Variants in SEL1L3 observed in about 807,000 individuals in gnomAD.
SEL1L3 encodes SEL1L family member 3.
Under a neutral mutation model 142.8 loss-of-function variants are expected in SEL1L3, and 76 were observed. The observed-to-expected ratio is 0.53, with a 90% CI of 0.44 to 0.64. SEL1L3 has a LOEUF of 0.64. SEL1L3 is among the 30% of genes least tolerant of loss of function. The pLI is 0.00. For missense variants in SEL1L3, 1,262 were observed against 1,381.7 expected (o/e 0.91, Z 1.37); for synonymous variants, 504 against 519.6 (o/e 0.97, Z 0.41).
chr4:25,794,812 C>T (rs1204640903), intron 11 of SEL1L3, among the ~76,000 whole-genome samples: 3 of 152,098 alleles, frequency 2.0e-5, no homozygotes, highest in African/African-American at 7.2e-5. Flanking sequence ...ACCCAAATGC[C>T]CATCAGTGAT....
At chr4:25,851,861 C>T (rs967631572) in intron 1 of SEL1L3, among the ~76,000 whole-genome samples, 1 of 147,974 alleles carries the variant, frequency 6.8e-6, no homozygotes, top group African/African-American at 2.5e-5. Flanking sequence ...TGCATTCCAG[C>T]CTGGCGACAG....
At chr4:25,862,448 G>T (rs919964247) in intron 1 of SEL1L3, among the ~76,000 whole-genome samples, 1 of 152,142 alleles carries the variant, frequency 6.6e-6, no homozygotes. Context: ...GGAGGGAAAG[G>T]AATGAGCACG....
intron 9 of SEL1L3, among the ~76,000 whole-genome samples, chr4:25,817,112 T>C (rs1387091324): frequency 6.6e-6 from 1 of 152,260 alleles, no homozygotes; most frequent in African/African-American, 2.4e-5. Flanking sequence ...GAGTAGTCAC[T>C]GAGTAAGCAT....
rs1224093084 is a variant in SEL1L3 at position 25,804,530 on chromosome 4, A to G, written c.1776+11T>C. 4 of 1,587,716 alleles carry G rather than the reference A, an allele frequency of 2.5e-6. No individual in the cohort carries two copies. The highest frequency in any genetic ancestry group is 2.7e-5 in the African/African-American group (2 of 74,428). On this transcript the variant is annotated intron_variant, in intron 10 of 23. Transcript: ENST00000399878. Reference sequence around the variant, plus strand: ...AGTGACTGATGTTAATGGAGCAATGAAATACTCTACCTGCAGCTGATCCCG... The same window carrying G: ...AGTGACTGATGTTAATGGAGCAATGGAATACTCTACCTGCAGCTGATCCCG...
downstream of SEL1L3, among the ~76,000 whole-genome samples, chr4:25,745,868 C>T (rs1717245970): frequency 1.3e-5 from 2 of 152,246 alleles, no homozygotes; most frequent in Non-Finnish European, 2.9e-5. Flanking sequence ...GAGCAGTCAG[C>T]AGCTCATGTT....
rs1003341546 is a variant in SEL1L3 at position 25,776,139 on chromosome 4, T to C, written c.2669+138A>G. The C allele has an allele frequency of 9.5e-5, 57 of 603,156 alleles. 1 individual carries two copies. In the African/African-American group the frequency reaches 1.0e-3, roughly 11 times the overall value. The allele number at this position is 603,156 out of a possible 1,614,324, so 37.4% of individuals were successfully genotyped here. On this transcript the variant is annotated intron_variant, in intron 17 of 23. Transcript: ENST00000399878. The stretch of plus-strand genomic sequence containing the variant: ...TTCCAATCAACAGCCAATCAGTCCA[T>C]GATACTCTGAATATCATTACTGGGA...
At chr4:25,737,980 C>A in the SEL1L3 span, among the ~76,000 whole-genome samples, 1 of 152,204 alleles carries the variant, frequency 6.6e-6, no homozygotes. Flanking sequence ...GCCTCCCTCT[C>A]CCAGGTTCCA....
the SEL1L3 span, among the ~76,000 whole-genome samples, chr4:25,716,332 G>T: frequency 6.6e-6 from 1 of 152,086 alleles, no homozygotes; most frequent in Non-Finnish European, 1.5e-5. Flanking sequence ...AGTTGATTGG[G>T]AAACGTTTTA....
At chr4:25,820,011 G>C (rs938005974) in intron 7 of SEL1L3, 71 bp from the exon 8 acceptor site, 16 of 1,457,396 alleles carry the variant, frequency 1.1e-5, no homozygotes, top group Admixed American at 2.0e-5. Flanking sequence ...AGGAGGATGT[G>C]TTTGGGTTGA....
chr4:25,784,344 C>T, intron 13 of SEL1L3, 54 bp from the exon 14 acceptor site: 1 of 1,303,470 alleles, frequency 7.7e-7, no homozygotes, highest in Non-Finnish European at 1.1e-6. Flanking sequence ...AGACTGCACA[C>T]ATACAGACAC....
chr4:25,719,246 G>T, the SEL1L3 span: 1 of 152,074 alleles, frequency 6.6e-6, no homozygotes, highest in Non-Finnish European at 1.5e-5. Flanking sequence ...TATCTTTTGA[G>T]TATAAACGAG....
In SEL1L3 at chr4:25,788,568, TCGTGTG is replaced by T. The variant is rs1712032460; in HGVS notation, c.2077-210_2077-205del. ...GCCCTTAATGCAAGCCAGAAATGGTTCGTGTGTGTGTGTGTGTGTGTGTGTGTGTGT... is the reference window on the plus strand; with the variant it reads ...GCCCTTAATGCAAGCCAGAAATGGTTTGTGTGTGTGTGTGTGTGTGTGTGT... On this transcript the variant is annotated intron_variant, in intron 12 of 23. Coordinates refer to ENST00000399878, the MANE Select transcript of SEL1L3 (RefSeq NM_015187.5). This position sits in a 1 kb window ranked among gnomAD's most constrained non-coding sequence, Gnocchi z 5.3. Among the ~76,000 whole-genome samples the T allele has an allele frequency of 8.5e-6, 1 of 117,942 alleles. No individual in the cohort carries two copies. The allele number at this position is 117,942 out of a possible 152,430, so 77.4% of individuals were successfully genotyped here. A position where few individuals can be genotyped will look rare whatever the true frequency, so the allele number is the denominator to read the frequency against.
At chr4:25,823,630 T>G (rs1714909356) in intron 6 of SEL1L3, among the ~76,000 whole-genome samples, 1 of 152,024 alleles carries the variant, frequency 6.6e-6, no homozygotes, top group Admixed American at 6.6e-5. Context: ...TCAGAGCATA[T>G]GTGAACAGTG....
chr4:25,765,438 G>T lies in SEL1L3; in HGVS notation c.2846-3C>A. ...AAGGTCTCCCATCTTCAAATATGCT[G>T]CAGGAAATAAAGCACAGATCCATTT... On this transcript the variant is annotated splice_polypyrimidine_tract_variant and splice_region_variant and intron_variant, in intron 19 of 23. Coordinates refer to ENST00000399878, the MANE Select transcript of SEL1L3 (RefSeq NM_015187.5). The T allele has an allele frequency of 8.2e-6, 13 of 1,581,212 alleles. No individual in the cohort carries two copies. Among genetic ancestry groups the T allele is most frequent in the Non-Finnish European group, 1.1e-5 (13 of 1,150,202 alleles).
In SEL1L3 at chr4:25,806,259, G is replaced by A. The variant is rs539275128; in HGVS notation, c.1565-1507C>T. 7.1e-3 allele frequency among the ~76,000 whole-genome samples: 1,070 copies of A among 151,682 alleles called. 3 individuals are homozygous for A. The highest frequency in any genetic ancestry group is 0.011 in the Non-Finnish European group (763 of 67,878). On this transcript the variant is annotated intron_variant, in intron 9 of 23. Transcript: ENST00000399878. ...TCACCGTGTTAGCCAGGATGGTCTG[G>A]ATTTCCTGACGTCGTGATCCGCCCG...
In SEL1L3 at chr4:25,847,690, A is replaced by G. The variant is rs1409289468; in HGVS notation, c.337T>C (p.Leu113=). Residue 113 remains leucine (L), a synonymous_variant, in exon 2 of 24, where the codon TTG becomes CTG. Transcript: ENST00000399878. ...AACTCAGATGAAACAACTGCTTCCAAATTGACAACACAAGGCTGAGAGCAT... is the reference window on the plus strand; with the variant it reads ...AACTCAGATGAAACAACTGCTTCCAGATTGACAACACAAGGCTGAGAGCAT... ...YLCSQPCVVN[L]EAVVSSEFRS... 8 of 1,614,004 alleles carry G rather than the reference A, an allele frequency of 5.0e-6. No homozygotes were observed. In the South Asian group the frequency reaches 8.8e-5, roughly 18 times the overall value.
chr4:25,852,295 C>T (rs563203288), intron 1 of SEL1L3, among the ~76,000 whole-genome samples: 3 of 152,272 alleles, frequency 2.0e-5, no homozygotes, highest in South Asian at 4.1e-4. Flanking sequence ...TTTCTAGCCA[C>T]CCACCCACTC....
chr4:25,724,308 A>G, the SEL1L3 span, among the ~76,000 whole-genome samples: 25,799 of 151,924 alleles, frequency 0.17, 2,680 homozygotes, highest in African/African-American at 0.29. Context: ...AGTCCCAGCT[A>G]CTTAGGGGGC....
intron 13 of SEL1L3, among the ~76,000 whole-genome samples, chr4:25,785,925 T>C (rs562081710): frequency 6.6e-6 from 1 of 152,290 alleles, no homozygotes; most frequent in South Asian, 2.1e-4. Context: ...CACTCTAGAA[T>C]AGGGATGTTT....
Sources: allele counts gnomAD v4.1 joint callset (sites outside exome capture counted in the v4.1 genomes callset), GRCh38; gene constraint gnomAD v4.1.1; non-coding constraint Gnocchi (gnomAD v3.1); transcripts MANE v1.5; gene names NCBI Gene and HGNC (gene_info 2026-07-23, HGNC 2026-07-21).